The following AFF1 variants were observed in gnomAD, a reference collection of about 807,000 sequenced individuals.
AFF1 encodes AF4/FMR2 family member 1.
Under a neutral mutation model 121.7 loss-of-function variants are expected in AFF1, and 48 were observed. The observed-to-expected ratio is 0.39, with a 90% CI of 0.31 to 0.50. AFF1 has a LOEUF of 0.50. AFF1 is among the 20% of genes least tolerant of loss of function. AFF1 has a pLI of 0.76. For missense variants in AFF1, 1,523 were observed against 1,511.7 expected (o/e 1.01, Z -0.12); for synonymous variants, 613 against 563.0 (o/e 1.09, Z -1.26).
chr4:86,953,572 A>G (rs895361994), intron 2 of AFF1, among the ~76,000 whole-genome samples: 1 of 152,300 alleles, frequency 6.6e-6, no homozygotes, highest in African/African-American at 2.4e-5. Context: ...ATTTATCGGC[A>G]CTTGACACTG....
Position 87,135,799 on chromosome 4 carries a change from T to G in AFF1, c.*98T>G. ...TTTGTTTCATCAGGACACCAAACTC[T>G]AAAAAAGAAGCACCACGAGATGGCC... On this transcript the variant is annotated 3_prime_UTR_variant, in exon 21 of 21. Coordinates refer to ENST00000395146, the MANE Select transcript of AFF1 (RefSeq NM_001166693.3). 1 of 1,419,466 alleles carries G rather than the reference T, an allele frequency of 7.0e-7. No homozygotes were observed. The highest frequency in any genetic ancestry group is 9.3e-7 in the Non-Finnish European group (1 of 1,076,316). The allele number at this position is 1,419,466 out of a possible 1,614,324, so 87.9% of individuals were successfully genotyped here.
intron 2 of AFF1, among the ~76,000 whole-genome samples, chr4:87,002,628 C>T (rs1201465440): frequency 6.6e-6 from 1 of 151,112 alleles, no homozygotes; most frequent in Non-Finnish European, 1.5e-5. Context: ...AGGCTGGTCT[C>T]AAACTCCTGA....
intron 2 of AFF1, among the ~76,000 whole-genome samples, chr4:87,032,927 T>G (rs1376666622): frequency 1.3e-5 from 2 of 152,114 alleles, no homozygotes; most frequent in African/African-American, 2.4e-5. Context: ...GGCAAGAGGA[T>G]TGCTTGAGGC....
At chr4:86,995,721 G>T (rs574055073) in intron 2 of AFF1, among the ~76,000 whole-genome samples, 1 of 152,094 alleles carries the variant, frequency 6.6e-6, no homozygotes, top group Admixed American at 6.5e-5. Flanking sequence ...TGCAGCCTCT[G>T]CCCGGCCGCC....
intron 2 of AFF1, among the ~76,000 whole-genome samples, chr4:87,010,900 C>T (rs1578054289): frequency 6.6e-6 from 1 of 151,988 alleles, no homozygotes; most frequent in East Asian, 1.9e-4. Flanking sequence ...CACTGTGAAA[C>T]CCCATCTCTA....
At chr4:87,013,336 G>C (rs1207025250) in intron 2 of AFF1, among the ~76,000 whole-genome samples, 2 of 152,068 alleles carry the variant, frequency 1.3e-5, no homozygotes, top group Non-Finnish European at 2.9e-5. Flanking sequence ...CACCCTGTCC[G>C]GCTGAACTGC....
intron 4 of AFF1, chr4:87,047,997 C>G (rs1560573694): frequency 4.4e-6 from 1 of 224,972 alleles, no homozygotes; most frequent in African/African-American, 2.3e-5. Context: ...TTGGGAGACA[C>G]TGGGGTAACA....
chr4:86,948,620 A>C, intron 2 of AFF1, 49 bp downstream of exon 2: 2 of 1,503,134 alleles, frequency 1.3e-6, no homozygotes, highest in Non-Finnish European at 1.8e-6. Context: ...TTAATTTTAT[A>C]ATCTACTTTT....
intron 2 of AFF1, among the ~76,000 whole-genome samples, chr4:86,955,264 C>T (rs72667737): frequency 0.17 from 26,504 of 152,162 alleles, 2,515 homozygotes; most frequent in East Asian, 0.31. Context: ...TCTCCTCCAG[C>T]GTCAACTCAA....
At chr4:87,074,967 T>G (rs17012368) in intron 4 of AFF1, among the ~76,000 whole-genome samples, 49,171 of 152,044 alleles carry the variant, frequency 0.32, 8,513 homozygotes, top group South Asian at 0.47. Flanking sequence ...GAGGCCCTCT[T>G]TGTAGAGATC....
chr4:87,007,067 G>GT, intron 2 of AFF1: 1 of 1,208,328 alleles, frequency 8.3e-7, no homozygotes, highest in Non-Finnish European at 1.0e-6. Flanking sequence ...GTCTTCGAGC[G>GT]TGGGGGCCCG....
chr4:87,054,137 A>G (rs1007738366), intron 4 of AFF1, among the ~76,000 whole-genome samples: 1 of 152,264 alleles, frequency 6.6e-6, no homozygotes, highest in Non-Finnish European at 1.5e-5. Context: ...GCACATCAGA[A>G]TCACCTGGGA....
chr4:86,954,055 G>C (rs984794431), intron 2 of AFF1, among the ~76,000 whole-genome samples: 5 of 152,022 alleles, frequency 3.3e-5, no homozygotes, highest in Non-Finnish European at 7.4e-5. Context: ...AACAGATTAA[G>C]ACCAGCTGTC....
intron 4 of AFF1, chr4:87,049,577 GT>G (rs565714120): frequency 4.3e-3 from 1,527 of 353,362 alleles, no homozygotes; most frequent in South Asian, 5.8e-3. Flanking sequence ...GAAGAATGGG[GT>G]TTTTTTTTTG....
intron 11 of AFF1, among the ~76,000 whole-genome samples, chr4:87,111,183 A>ATTTT (rs1383692920): frequency 2.0e-4 from 12 of 58,624 alleles, no homozygotes; most frequent in African/African-American, 6.5e-4. Flanking sequence ...AATTTTTTGT[A>ATTTT]TTTTTTTTTT....
chr4:87,018,009 T>C (rs80146453), intron 2 of AFF1, among the ~76,000 whole-genome samples: 6,387 of 152,068 alleles, frequency 0.042, 433 homozygotes, highest in African/African-American at 0.15. Context: ...GCCTTTCAAG[T>C]GTTCTTTCAA....
chr4:87,105,330 C>T (rs564452033), intron 8 of AFF1, among the ~76,000 whole-genome samples: 18 of 152,258 alleles, frequency 1.2e-4, no homozygotes, highest in Non-Finnish European at 1.9e-4. Flanking sequence ...GAATCCTTGT[C>T]TTGTGGTAGT....
chr4:87,037,670 G>T (rs13136465), intron 2 of AFF1, among the ~76,000 whole-genome samples: 20,451 of 152,056 alleles, frequency 0.13, 1,863 homozygotes, highest in Middle Eastern at 0.23. Flanking sequence ...ATATTAATAG[G>T]CATACAGAAG....
At chr4:86,950,039 G>C in intron 2 of AFF1, 1 of 1,614,146 alleles carries the variant, frequency 6.2e-7, no homozygotes, top group Non-Finnish European at 8.5e-7. Flanking sequence ...GGTAGGGGGA[G>C]TGTAGAGAGG....
Sources: gnomAD v4.1 joint callset for allele counts (sites outside exome capture counted in the v4.1 genomes callset) on GRCh38, gnomAD v4.1.1 for gene constraint, MANE v1.5 for transcripts, NCBI Gene and HGNC (gene_info 2026-07-23, HGNC 2026-07-21) for gene names.